The following SLC66A3 variants were observed in gnomAD, a reference collection of about 807,000 sequenced individuals.
SLC66A3 encodes the protein PQ loop repeat containing 3.
A neutral mutation model predicts 25.5 loss-of-function variants in SLC66A3; 23 were observed. The ratio of observed to expected loss-of-function variants is 0.90; its 90% CI spans 0.65 to 1.28. SLC66A3 has a LOEUF of 1.28. Ranked by LOEUF, SLC66A3 falls within the 50% of genes most tolerant of loss-of-function variation. The pLI is 0.00. For synonymous variants in SLC66A3, 108 were observed against 112.6 expected, an observed-to-expected ratio of 0.96 and a Z score of 0.26; for missense variants, 246 against 262.1, an observed-to-expected ratio of 0.94 and a Z score of 0.42.
At chr2:11,167,079 A>T (rs958757993) in intron 4 of SLC66A3, among the ~76,000 whole-genome samples, 1 of 152,174 alleles carries the variant, frequency 6.6e-6, no homozygotes, top group Non-Finnish European at 1.5e-5. Context: ...TTCTAGTTCT[A>T]TTAGCCCCCA....
intron 1 of SLC66A3, among the ~76,000 whole-genome samples, chr2:11,158,400 C>T (rs1661982320): frequency 6.6e-6 from 1 of 152,214 alleles, no homozygotes; most frequent in East Asian, 1.9e-4. Flanking sequence ...CAGTGGCTCA[C>T]ACCTGTAATC....
intron 1 of SLC66A3, chr2:11,160,171 C>T (rs10167191): frequency 0.01 from 4,745 of 473,578 alleles, 208 homozygotes; most frequent in African/African-American, 0.085. Context: ...TATTCTTGCT[C>T]AGGGATTTGC....
chr2:11,164,218 G>C lies in SLC66A3; in HGVS notation c.311G>C (p.Trp104Ser). 1 of 1,580,474 alleles carries C rather than the reference G, an allele frequency of 6.3e-7. No homozygotes were observed. Among genetic ancestry groups the C allele is most frequent in the South Asian group, 1.2e-5 (1 of 84,852 alleles). ...TPYIAVLVSS[W>S]FILALQKWII... ...CACTTGGTAAGATTGGTGTCTTCTT[G>C]GTTCATCCTTGCCCTGCAGAAGTGG... Residue 104 changes from tryptophan (W) to serine (S), a missense_variant, in exon 4 of 7, where the codon TGG becomes TCG. Transcript: ENST00000295083.
At chr2:11,177,470 A>G (rs1677105200) in intron 6 of SLC66A3, among the ~76,000 whole-genome samples, 1 of 152,138 alleles carries the variant, frequency 6.6e-6, no homozygotes, top group Non-Finnish European at 1.5e-5. Flanking sequence ...AAAAAAAAAA[A>G]AAAGTTAAAA....
chr2:11,155,802 G>A lies in SLC66A3; in HGVS notation c.143+113G>A, dbSNP rs967699626. 2.0e-5 allele frequency: 22 copies of A among 1,082,256 alleles called. No individual in the cohort carries two copies. In the African/African-American group the frequency reaches 2.8e-4, roughly 14 times the overall value. 67.0% of individuals were successfully genotyped at this position (1,082,256 alleles called of 1,614,324 possible). Reference sequence around the variant, plus strand: ...GCGGGGATGATCCCCGCGCGCCGGCGTCGCAGCTGGGCGGCCGAGGGTGAA... The same window carrying A: ...GCGGGGATGATCCCCGCGCGCCGGCATCGCAGCTGGGCGGCCGAGGGTGAA... On this transcript the variant is annotated intron_variant, in intron 1 of 6. Transcript: ENST00000295083.
chr2:11,177,777 G>C lies in SLC66A3; in HGVS notation c.558G>C (p.Trp186Cys). Residue 186 changes from tryptophan to cysteine, a missense_variant, in exon 7 of 7, where the codon TGG (tryptophan) becomes TGC (cysteine). Physicochemically the swap from Trp to Cys is radical, Grantham distance 215. Around this residue, in one of 3 missense-constraint regions of SLC66A3, gnomAD observed 93 missense variants for 102.6 expected, o/e 0.91. Transcript: ENST00000295083. ...TGATCATGCTGGCTTTAAATATATG[G>C]GTAACAGTGACAGTACTTCGCTACC... Reference protein sequence around the residue: ...RFVIMLALNIWVTVTVLRYRK... With the variant: ...RFVIMLALNICVTVTVLRYRK... 1 of 1,611,710 alleles carries C rather than the reference G, an allele frequency of 6.2e-7. No homozygotes were observed. The highest frequency in any genetic ancestry group is 1.7e-4 in the Middle Eastern group (1 of 6,060).
chr2:11,158,077 G>A (rs557834259), intron 1 of SLC66A3, among the ~76,000 whole-genome samples: 5 of 152,152 alleles, frequency 3.3e-5, no homozygotes, highest in African/African-American at 9.7e-5. Flanking sequence ...GTGGGGGTAC[G>A]TTTTGTTTAA....
Position 11,155,694 on chromosome 2 carries a change from G to T in SLC66A3, c.143+5G>T. The T allele has an allele frequency of 2.1e-6, 3 of 1,404,586 alleles. No individual in the cohort carries two copies. Among genetic ancestry groups the T allele is most frequent in the Non-Finnish European group, 2.8e-6 (3 of 1,082,542 alleles). The allele number at this position is 1,404,586 out of a possible 1,614,324, so 87.0% of individuals were successfully genotyped here. ...TTTACTTCTGGAGCTGGCAGGGTAA[G>T]GCCCGGGGCGGCCGGGGCTGCCTCC... is the stretch of plus-strand genomic sequence containing the variant. On this transcript the variant is annotated splice_donor_5th_base_variant and intron_variant, in intron 1 of 6. Coordinates refer to ENST00000295083, the MANE Select transcript of SLC66A3 (RefSeq NM_152391.5).
chr2:11,160,933 A>G (rs976545144), intron 3 of SLC66A3: 2 of 612,644 alleles, frequency 3.3e-6, no homozygotes, highest in Admixed American at 6.0e-5. Flanking sequence ...TGGAAGGCAG[A>G]TCGGTAGAGT....
chr2:11,155,906 G>A (rs1486724044), intron 1 of SLC66A3, among the ~76,000 whole-genome samples: 1 of 152,232 alleles, frequency 6.6e-6, no homozygotes, highest in Non-Finnish European at 1.5e-5. Context: ...CAAGCCCCGC[G>A]TGGCACGAAT....
chr2:11,158,746 G>A (rs1250434202), intron 1 of SLC66A3, among the ~76,000 whole-genome samples: 2 of 152,162 alleles, frequency 1.3e-5, no homozygotes, highest in African/African-American at 4.8e-5. Flanking sequence ...CTGGAACCCG[G>A]GAGGTGGAGG....
chr2:11,155,728 C>A, intron 1 of SLC66A3, 39 bp downstream of exon 1: 2 of 1,329,900 alleles, frequency 1.5e-6, no homozygotes, highest in East Asian at 3.0e-5. Context: ...CCTGCCCCCT[C>A]GCAGCTGCTG....
chr2:11,171,475 T>G (rs1662550449), intron 4 of SLC66A3, among the ~76,000 whole-genome samples: 1 of 152,162 alleles, frequency 6.6e-6, no homozygotes, highest in Non-Finnish European at 1.5e-5. Flanking sequence ...ACTATTGCAT[T>G]ACTTTTCACT....
chr2:11,171,152 T>C (rs2147999660), intron 4 of SLC66A3, among the ~76,000 whole-genome samples: 1 of 152,180 alleles, frequency 6.6e-6, no homozygotes, highest in South Asian at 2.1e-4. Context: ...ACCCTGTCTC[T>C]ACTAAAAATA....
intron 4 of SLC66A3, among the ~76,000 whole-genome samples, chr2:11,168,786 A>T (rs1447233537): frequency 6.6e-6 from 1 of 151,826 alleles, no homozygotes. Flanking sequence ...TAGTCCTGCC[A>T]CAGGCCTGAC....
chr2:11,160,700 C>G lies in SLC66A3; in HGVS notation c.296+6C>G. On this transcript the variant is annotated splice_donor_region_variant and intron_variant, in intron 3 of 6. Transcript: ENST00000295083. Reference sequence around the variant, plus strand: ...GCCACTCCTTACATCGCTGTGTATCCTTTCTGAATCTGAGCCAGAAGTGGG... The same window carrying G: ...GCCACTCCTTACATCGCTGTGTATCGTTTCTGAATCTGAGCCAGAAGTGGG... 1.9e-6 allele frequency: 3 copies of G among 1,613,886 alleles called. No individual in the cohort carries two copies. The highest frequency in any genetic ancestry group is 1.1e-5 in the South Asian group (1 of 91,074).
intron 6 of SLC66A3, among the ~76,000 whole-genome samples, chr2:11,176,730 G>A (rs968609374): frequency 6.9e-6 from 1 of 144,460 alleles, no homozygotes; most frequent in East Asian, 2.1e-4. Context: ...GGGTTTCACC[G>A]TTTTAGCCGG....
intron 4 of SLC66A3, among the ~76,000 whole-genome samples, chr2:11,169,546 C>T (rs969347784): frequency 4.6e-5 from 7 of 152,136 alleles, no homozygotes; most frequent in African/African-American, 1.4e-4. Flanking sequence ...TCCAGGAAGC[C>T]GTGCTCCCCA....
At chr2:11,175,116 T>G (rs1394176426) in intron 6 of SLC66A3, 107 bp downstream of exon 6, 1 of 809,056 alleles carries the variant, frequency 1.2e-6, no homozygotes, top group East Asian at 2.6e-5. Flanking sequence ...TCTGTTGGAT[T>G]ATAGATTTAG....
Sources: gnomAD v4.1 joint callset for allele counts (sites outside exome capture counted in the v4.1 genomes callset) on GRCh38, gnomAD v4.1.1 for gene constraint, gnomAD v4.1.1 regional missense constraint, MANE v1.5 for transcripts, NCBI Gene and HGNC (gene_info 2026-07-23, HGNC 2026-07-21) for gene names.